The following CNTNAP3B variants were observed in gnomAD, a reference collection of about 807,000 sequenced individuals.
CNTNAP3B encodes contactin associated protein family member 3B.
Under a neutral mutation model 108.9 loss-of-function variants are expected in CNTNAP3B, and 25 were observed. That is an observed-to-expected ratio of 0.23 (90% CI 0.17 to 0.32). The LOEUF is 0.32. Among genes scored for constraint, CNTNAP3B ranks in the 10% least tolerant of loss-of-function variants. The probability of loss-of-function intolerance (pLI) is 1.00; values close to 1 mark genes in which losing one functional copy is unlikely to be tolerated. For missense variants in CNTNAP3B, 252 were observed against 1,210.4 expected, an observed-to-expected ratio of 0.21 and a Z score of 11.75; for synonymous variants, 103 against 473.4, an observed-to-expected ratio of 0.22 and a Z score of 10.16.
chr9:41,955,475 A>G (rs7861403), intron 12 of CNTNAP3B, among the ~76,000 whole-genome samples: 14,066 of 145,496 alleles, frequency 0.097, 2 homozygotes, highest in Middle Eastern at 0.18. Context: ...ATTGATTATA[A>G]GCATATTGGA....
intron 10 of CNTNAP3B, among the ~76,000 whole-genome samples, chr9:41,966,641 T>C (rs568631887): frequency 1.7e-3 from 259 of 152,282 alleles, no homozygotes; most frequent in African/African-American, 5.8e-3. Context: ...TAAAACAGTA[T>C]AGGAGTCTGA....
intron 9 of CNTNAP3B, among the ~76,000 whole-genome samples, chr9:41,978,949 T>TATTTTA (rs1259797693): frequency 6.9e-6 from 1 of 145,316 alleles, no homozygotes; most frequent in Admixed American, 6.8e-5. Context: ...GTCAAATAAA[T>TATTTTA]ATTTTAATTT....
At chr9:41,935,686 T>A (rs1233173590) in intron 14 of CNTNAP3B, among the ~76,000 whole-genome samples, 1 of 152,284 alleles carries the variant, frequency 6.6e-6, no homozygotes, top group South Asian at 2.1e-4. Context: ...GCTTGTGGTC[T>A]TACTGTTGGA....
At chr9:41,968,330 G>GC (rs1312176051) in intron 10 of CNTNAP3B, among the ~76,000 whole-genome samples, 1 of 141,130 alleles carries the variant, frequency 7.1e-6, no homozygotes, top group Non-Finnish European at 1.5e-5. Context: ...GAGCTCCCTG[G>GC]CTAGTTAGCT....
intron 13 of CNTNAP3B, among the ~76,000 whole-genome samples, chr9:41,940,673 A>G (rs1356694789): frequency 2.0e-5 from 3 of 152,360 alleles, no homozygotes; most frequent in African/African-American, 7.2e-5. Context: ...AAAATAGACG[A>G]GCGTAGCGGC....
At position 42,107,755 on chromosome 9, in the gene CNTNAP3B, C is replaced by T. The variant is rs1828110652; in HGVS notation, c.86-3016G>A. ...CTTTGGGAGACCAAGGCGGGTGGAT[C>T]ACAAGGTCAGGAGATCGAGACCATC... is the stretch of plus-strand genomic sequence containing the variant. On this transcript the variant is annotated intron_variant, in intron 1 of 23. Transcript: ENST00000377561. 1.5e-5 allele frequency among the ~76,000 whole-genome samples: 2 copies of T among 137,496 alleles called. 1 individual carries two copies. Among genetic ancestry groups the T allele is most frequent in the African/African-American group, 5.8e-5 (2 of 34,406 alleles). The allele number at this position is 137,496 out of a possible 152,430, so 90.2% of individuals were successfully genotyped here.
chr9:41,934,743 T>C (rs1489687629), intron 14 of CNTNAP3B, among the ~76,000 whole-genome samples: 3 of 152,292 alleles, frequency 2.0e-5, no homozygotes, highest in Non-Finnish European at 4.4e-5. Flanking sequence ...TTATATTTTA[T>C]CTTTTGTAAA....
intron 13 of CNTNAP3B, among the ~76,000 whole-genome samples, chr9:41,948,299 C>A (rs1235051789): frequency 6.6e-6 from 1 of 151,882 alleles, no homozygotes; most frequent in African/African-American, 2.4e-5. Flanking sequence ...ACCATGTTGG[C>A]CAGGCAGGTC....
intron 11 of CNTNAP3B, among the ~76,000 whole-genome samples, chr9:41,963,231 A>C (rs1482139905): frequency 6.6e-6 from 1 of 152,284 alleles, no homozygotes; most frequent in Non-Finnish European, 1.5e-5. Flanking sequence ...TAAAAGTTTC[A>C]ATTAGGAACT....
At chr9:42,055,165 C>T (rs562348433) in intron 3 of CNTNAP3B, among the ~76,000 whole-genome samples, 12 of 139,106 alleles carry the variant, frequency 8.6e-5, no homozygotes, top group African/African-American at 2.6e-4. Flanking sequence ...AAAAGCCATA[C>T]GATTCACATA....
At chr9:42,054,456 T>G (rs1363931953) in intron 3 of CNTNAP3B, among the ~76,000 whole-genome samples, 1 of 151,640 alleles carries the variant, frequency 6.6e-6, no homozygotes, top group Non-Finnish European at 1.5e-5. Flanking sequence ...AGTGCGTGAC[T>G]GGATTCCACA....
At chr9:41,931,726 A>G (rs1823983924) in intron 14 of CNTNAP3B, among the ~76,000 whole-genome samples, 1 of 149,950 alleles carries the variant, frequency 6.7e-6, no homozygotes, top group African/African-American at 2.5e-5. Context: ...CTCCTGCTGA[A>G]TGAGGTAGGT....
intron 1 of CNTNAP3B, among the ~76,000 whole-genome samples, chr9:42,117,317 C>A (rs925957624): frequency 7.5e-6 from 1 of 133,750 alleles, no homozygotes; most frequent in Non-Finnish European, 1.6e-5. Context: ...GAAATTATAA[C>A]AAACTGTCTC....
chr9:41,933,528 T>C (rs1412550012), intron 14 of CNTNAP3B, among the ~76,000 whole-genome samples: 3 of 152,404 alleles, frequency 2.0e-5, no homozygotes, highest in Non-Finnish European at 1.5e-5. Flanking sequence ...ACATTTTTGT[T>C]AATATTGCAA....
intron 15 of CNTNAP3B, among the ~76,000 whole-genome samples, chr9:41,928,059 T>A (rs1823868745): frequency 6.6e-6 from 1 of 152,182 alleles, no homozygotes; most frequent in Non-Finnish European, 1.5e-5. Context: ...AATAACAGAA[T>A]AATTAACGCT....
At chr9:41,943,607 C>T (rs1464072621) in intron 13 of CNTNAP3B, among the ~76,000 whole-genome samples, 5 of 150,868 alleles carry the variant, frequency 3.3e-5, no homozygotes, top group Non-Finnish European at 7.4e-5. Context: ...CCGCCTCGGC[C>T]TCCCAAAGTG....
intron 9 of CNTNAP3B, chr9:41,979,942 ACC>A (rs1424610308): frequency 5.3e-5 from 6 of 112,766 alleles, no homozygotes; most frequent in African/African-American, 1.7e-4. Flanking sequence ...GTTTGAGGAA[ACC>A]TTTTTTTTTT....
chr9:41,958,348 G>C (rs1238249715), intron 12 of CNTNAP3B, among the ~76,000 whole-genome samples: 2 of 152,414 alleles, frequency 1.3e-5, no homozygotes, highest in Non-Finnish European at 1.5e-5. Flanking sequence ...GGGTCTCACT[G>C]TGTTGCCCAG....
chr9:41,931,601 T>G (rs1252381233), intron 14 of CNTNAP3B, among the ~76,000 whole-genome samples: 4 of 151,004 alleles, frequency 2.6e-5, no homozygotes, highest in Admixed American at 6.6e-5. Flanking sequence ...CCCTGTTGCT[T>G]TACCTAGTTA....
Sources: gnomAD v4.1 joint callset for allele counts (sites outside exome capture counted in the v4.1 genomes callset) on GRCh38, gnomAD v4.1.1 for gene constraint, MANE v1.5 for transcripts, NCBI Gene and HGNC (gene_info 2026-07-23, HGNC 2026-07-21) for gene names.